The following FRS2 variants were observed in gnomAD, a reference collection of about 807,000 sequenced individuals.
FRS2 encodes FGFR signalling adaptor.
FRS2 carries 8 observed loss-of-function variants against 43.9 expected under a neutral mutation model. The observed-to-expected ratio is 0.18, with a 90% CI of 0.11 to 0.33. FRS2 has a LOEUF of 0.33. FRS2 is among the 10% of genes least tolerant of loss of function. FRS2 has a pLI of 1.00. For missense variants in FRS2, 534 were observed against 627.6 expected (o/e 0.85, Z 1.59); for synonymous variants, 219 against 220.3 (o/e 0.99, Z 0.05).
At position 69,576,504 on chromosome 12, in the gene FRS2, A is replaced by G. The variant is rs1476754351; in HGVS notation, c.*1549A>G. On this transcript the variant is annotated 3_prime_UTR_variant, in exon 9 of 9. Transcript: ENST00000549921. The stretch of plus-strand genomic sequence containing the variant: ...GGAAAAGGTTAGGTAACCTTGCAAA[A>G]TATTTTACTATTTTCTCTAAATATG... 1 of 152,170 alleles carries G rather than the reference A, an allele frequency of 6.6e-6. No individual in the cohort carries two copies. The highest frequency in any genetic ancestry group is 6.5e-5 in the Admixed American group (1 of 15,276). The allele number at this position is 152,170 out of a possible 1,614,324, so 9.4% of individuals were successfully genotyped here. A position where few individuals can be genotyped will look rare whatever the true frequency, so the allele number is the denominator to read the frequency against.
chr12:69,543,952 A>T (rs1217535628), intron 3 of FRS2, among the ~76,000 whole-genome samples: 1 of 152,118 alleles, frequency 6.6e-6, no homozygotes, highest in Non-Finnish European at 1.5e-5. Flanking sequence ...TTCTCAGAGG[A>T]ATAGGGGGAG....
intron 1 of FRS2, among the ~76,000 whole-genome samples, chr12:69,473,870 G>A (rs951710138): frequency 1.8e-4 from 27 of 152,100 alleles, no homozygotes; most frequent in African/African-American, 6.0e-4. Flanking sequence ...TTGAGACAGA[G>A]TCTAGCTTTG....
chr12:69,542,896 A>G (rs1878043935), intron 3 of FRS2, among the ~76,000 whole-genome samples: 1 of 152,218 alleles, frequency 6.6e-6, no homozygotes, highest in East Asian at 1.9e-4. Context: ...TCAAAGAATG[A>G]GCTAGCTTGG....
intron 1 of FRS2, among the ~76,000 whole-genome samples, chr12:69,505,019 G>T (rs1873797949): frequency 6.6e-6 from 1 of 152,096 alleles, no homozygotes; most frequent in Admixed American, 6.6e-5. Context: ...GTATTGTATT[G>T]TACTGTACTG....
At chr12:69,542,885 G>A (rs139105697) in intron 3 of FRS2, among the ~76,000 whole-genome samples, 22 of 152,320 alleles carry the variant, frequency 1.4e-4, no homozygotes, top group Non-Finnish European at 2.8e-4. Context: ...ACTGCAAAAC[G>A]TCAAAGAATG....
At chr12:69,516,942 C>T (rs1223216392) in intron 1 of FRS2, among the ~76,000 whole-genome samples, 1 of 152,122 alleles carries the variant, frequency 6.6e-6, no homozygotes, top group Non-Finnish European at 1.5e-5. Context: ...GACTTAGGAT[C>T]CCTAATCCAA....
At chr12:69,510,514 T>C (rs1874358039) in intron 1 of FRS2, among the ~76,000 whole-genome samples, 1 of 152,136 alleles carries the variant, frequency 6.6e-6, no homozygotes, top group Non-Finnish European at 1.5e-5. Flanking sequence ...TCCATCCAAA[T>C]TGATTGAACA....
At chr12:69,525,157 C>T (rs530276481) in intron 1 of FRS2, among the ~76,000 whole-genome samples, 2 of 151,274 alleles carry the variant, frequency 1.3e-5, no homozygotes, top group Non-Finnish European at 2.9e-5. Context: ...TACCTTGATG[C>T]TCTAAATCAA....
At chr12:69,488,592 A>C (rs1474509161) in intron 1 of FRS2, among the ~76,000 whole-genome samples, 1 of 152,166 alleles carries the variant, frequency 6.6e-6, no homozygotes, top group Non-Finnish European at 1.5e-5. Context: ...AGAACCCGCA[A>C]TATCTTTGAG....
chr12:69,485,771 A>C (rs1871880215), intron 1 of FRS2, among the ~76,000 whole-genome samples: 1 of 152,144 alleles, frequency 6.6e-6, no homozygotes, highest in Non-Finnish European at 1.5e-5. Flanking sequence ...CCTGACCTAA[A>C]CAGGTTTTAA....
At chr12:69,482,227 G>A (rs942544534) in intron 1 of FRS2, among the ~76,000 whole-genome samples, 3 of 152,210 alleles carry the variant, frequency 2.0e-5, no homozygotes, top group Non-Finnish European at 4.4e-5. Flanking sequence ...AAATTCTAAA[G>A]CATTAGGTGA....
At chr12:69,472,153 C>A (rs1419788337) in intron 1 of FRS2, among the ~76,000 whole-genome samples, 2 of 152,128 alleles carry the variant, frequency 1.3e-5, no homozygotes, top group Non-Finnish European at 2.9e-5. Context: ...GTGGCCCCAT[C>A]ATAGCTCACT....
chr12:69,565,049 TAG>T (rs1477606257), intron 4 of FRS2, among the ~76,000 whole-genome samples: 3 of 152,210 alleles, frequency 2.0e-5, no homozygotes, highest in Non-Finnish European at 4.4e-5. Context: ...GCAAACGTCA[TAG>T]AGTGTACTTA....
chr12:69,548,370 A>G (rs1316795197), intron 3 of FRS2, among the ~76,000 whole-genome samples: 1 of 152,208 alleles, frequency 6.6e-6, no homozygotes. Context: ...GATGGATTGG[A>G]TATGGGATGT....
At chr12:69,500,791 A>G (rs900634160) in intron 1 of FRS2, among the ~76,000 whole-genome samples, 3 of 152,214 alleles carry the variant, frequency 2.0e-5, no homozygotes, top group African/African-American at 7.2e-5. Context: ...TTTGAGGAAT[A>G]GTTTTGTGAG....
At chr12:69,499,766 T>G (rs1349271243) in intron 1 of FRS2, among the ~76,000 whole-genome samples, 1 of 147,178 alleles carries the variant, frequency 6.8e-6, no homozygotes, top group African/African-American at 2.5e-5. Flanking sequence ...AGAATCTAGC[T>G]AGGTTTTGAT....
At chr12:69,566,595 G>A (rs1373099718) in intron 4 of FRS2, among the ~76,000 whole-genome samples, 4 of 141,564 alleles carry the variant, frequency 2.8e-5, no homozygotes, top group South Asian at 2.4e-4. Flanking sequence ...CAACAAGAGC[G>A]AAATTCCGTC....
intron 6 of FRS2, among the ~76,000 whole-genome samples, chr12:69,570,723 C>G (rs1289984248): frequency 6.6e-6 from 1 of 152,118 alleles, no homozygotes; most frequent in Admixed American, 6.5e-5. Context: ...CTCATGTCAA[C>G]TTTAAGATTT....
At chr12:69,559,511 G>GATGGATGCTTAAAAATAGTCACGT (rs1218841714) in intron 3 of FRS2, among the ~76,000 whole-genome samples, 1 of 152,018 alleles carries the variant, frequency 6.6e-6, no homozygotes, top group East Asian at 1.9e-4. Flanking sequence ...CATATTCATG[G>GATGGATGCTTAAAAATAGTCACGT]ATGGATGCTT....
Sources: gnomAD v4.1 joint callset for allele counts (sites outside exome capture counted in the v4.1 genomes callset) on GRCh38, gnomAD v4.1.1 for gene constraint, MANE v1.5 for transcripts, NCBI Gene and HGNC (gene_info 2026-07-23, HGNC 2026-07-21) for gene names.